EIPR1: variants seen among roughly 807,000 people sequenced by gnomAD.
EIPR1 encodes EARP complex and GARP complex interacting protein 1.
A neutral mutation model predicts 48.1 loss-of-function variants in EIPR1; 25 were observed. That is an observed-to-expected ratio of 0.52 (90% confidence interval 0.38 to 0.73). EIPR1 has a LOEUF of 0.73. EIPR1 is among the 30% of genes least tolerant of loss of function. The pLI is 0.00. For missense variants in EIPR1, 415 were observed against 506.2 expected (o/e 0.82, Z 1.73); for synonymous variants, 204 against 201.9 (o/e 1.01, Z -0.09).
intron 3 of EIPR1, among the ~76,000 whole-genome samples, chr2:3,259,292 C>G (rs997525674): frequency 2.0e-5 from 3 of 152,036 alleles, no homozygotes; most frequent in Non-Finnish European, 4.4e-5. Context: ...GACACTCCCC[C>G]CCACATCCCC....
At chr2:3,361,222 C>T (rs1000504039) in intron 1 of EIPR1, among the ~76,000 whole-genome samples, 1 of 152,128 alleles carries the variant, frequency 6.6e-6, no homozygotes, top group African/African-American at 2.4e-5. Flanking sequence ...TTCCACGTAG[C>T]TAAGGGGCTT....
intron 3 of EIPR1, among the ~76,000 whole-genome samples, chr2:3,278,273 T>C (rs1427977876): frequency 6.6e-6 from 1 of 152,120 alleles, no homozygotes; most frequent in Non-Finnish European, 1.5e-5. Flanking sequence ...GCTGCTGCCA[T>C]CCACACCACA....
chr2:3,224,354 G>T (rs1241095808), intron 4 of EIPR1, among the ~76,000 whole-genome samples: 4 of 152,140 alleles, frequency 2.6e-5, no homozygotes, highest in Non-Finnish European at 4.4e-5. Context: ...CCTACCATGC[G>T]CCCGGCTTTA....
intron 3 of EIPR1, among the ~76,000 whole-genome samples, chr2:3,304,828 G>A (rs1264082282): frequency 3.2e-4 from 41 of 128,690 alleles, no homozygotes; most frequent in East Asian, 7.1e-4. Context: ...GTCCAGTTCA[G>A]CCCTCCAGTC....
At chr2:3,290,821 A>C (rs1668342167) in intron 3 of EIPR1, among the ~76,000 whole-genome samples, 1 of 152,278 alleles carries the variant, frequency 6.6e-6, no homozygotes, top group African/African-American at 2.4e-5. Context: ...ACCAGCACTA[A>C]TTGCCATCAG....
At chr2:3,311,160 G>T (rs1669117186) in intron 3 of EIPR1, among the ~76,000 whole-genome samples, 1 of 152,096 alleles carries the variant, frequency 6.6e-6, no homozygotes, top group Non-Finnish European at 1.5e-5. Context: ...CCTAGTATGT[G>T]CACAGGTAGA....
rs139324519 is a variant in EIPR1, at chr2:3,211,247, C to T, written c.516+2902G>A. Reference sequence around the variant, plus strand: ...TGCTGGAACCAGCAGTCAGGTTCCACGCATGAAGTTCTCCACTTTAACACT... The same window carrying T: ...TGCTGGAACCAGCAGTCAGGTTCCATGCATGAAGTTCTCCACTTTAACACT... On this transcript the variant is annotated intron_variant, in intron 5 of 8. Coordinates refer to ENST00000382125, the MANE Select transcript of EIPR1 (RefSeq NM_003310.5). Among the ~76,000 whole-genome samples, 24 of 151,796 alleles carry T rather than the reference C, an allele frequency of 1.6e-4. 1 individual carries two copies. Among genetic ancestry groups the T allele is most frequent in the African/African-American group, 5.3e-4 (22 of 41,400 alleles).
At position 3,347,046 on chromosome 2, in the gene EIPR1, C is replaced by T. The variant is rs375617262; in HGVS notation, c.126+7504G>A. Among the ~76,000 whole-genome samples, 211 of 152,222 alleles carry T rather than the reference C, an allele frequency of 1.4e-3. 2 individuals are homozygous for T. The highest frequency in any genetic ancestry group is 4.8e-3 in the African/African-American group (198 of 41,546). On this transcript the variant is annotated intron_variant, in intron 2 of 8. Coordinates refer to ENST00000382125, the MANE Select transcript of EIPR1 (RefSeq NM_003310.5). ...TCTGGCCATTGAAGCATGTGGCACT[C>T]CCCCTCACTCTTTGCTCCCGCCCTC...
intron 3 of EIPR1, among the ~76,000 whole-genome samples, chr2:3,324,694 G>A (rs1171635524): frequency 6.6e-6 from 1 of 152,262 alleles, no homozygotes; most frequent in Non-Finnish European, 1.5e-5. Context: ...CCTCAACTCT[G>A]GTCAGTGGGA....
rs368224187 is a variant in EIPR1, at chr2:3,335,486, A to G, written c.259+2531T>C. Among the ~76,000 whole-genome samples the G allele has an allele frequency of 1.1e-3, 162 of 152,254 alleles. No individual in the cohort carries two copies. In the South Asian group the frequency reaches 0.032, roughly 30 times the overall value. On this transcript the variant is annotated intron_variant, in intron 3 of 8. Coordinates refer to ENST00000382125, the MANE Select transcript of EIPR1 (RefSeq NM_003310.5). ...GAGGGGGGTTTCCTGGTGGGGGGACAGGGCAAGGGTGGAGGAGAGGGCAAA... is the reference window on the plus strand; with the variant it reads ...GAGGGGGGTTTCCTGGTGGGGGGACGGGGCAAGGGTGGAGGAGAGGGCAAA...
chr2:3,211,899 C>T (rs1281377610), intron 5 of EIPR1, among the ~76,000 whole-genome samples: 3 of 152,262 alleles, frequency 2.0e-5, no homozygotes, highest in Admixed American at 1.3e-4. Context: ...CTACCCTCAT[C>T]GGGGTCTGTG....
At chr2:3,332,576 G>A (rs995072139) in intron 3 of EIPR1, among the ~76,000 whole-genome samples, 1 of 152,156 alleles carries the variant, frequency 6.6e-6, no homozygotes, top group Non-Finnish European at 1.5e-5. Flanking sequence ...CACAATCTAC[G>A]CCCACAGACC....
intron 4 of EIPR1, among the ~76,000 whole-genome samples, chr2:3,223,487 C>G (rs1665963223): frequency 1.3e-5 from 2 of 152,186 alleles, no homozygotes. Flanking sequence ...ATTCATCCCG[C>G]CCCCTCTGAG....
At chr2:3,240,334 ATC>A (rs1666564996) in intron 4 of EIPR1, among the ~76,000 whole-genome samples, 1 of 144,608 alleles carries the variant, frequency 6.9e-6, no homozygotes, top group Non-Finnish European at 1.5e-5. Context: ...AAGCCAGCAG[ATC>A]CTTCCTAAAG....
Position 3,377,794 on chromosome 2 carries a change from T to A in EIPR1, c.-105A>T. On this transcript the variant is annotated 5_prime_UTR_variant, in exon 1 of 9. Coordinates refer to ENST00000382125, the MANE Select transcript of EIPR1 (RefSeq NM_003310.5). ...GTGTTCCCAGCGCCCATTCATTCCCTCCCCGCAGCAAACGACTCCAAACTG... is the reference window on the plus strand; with the variant it reads ...GTGTTCCCAGCGCCCATTCATTCCCACCCCGCAGCAAACGACTCCAAACTG... The A allele has an allele frequency of 3.8e-4, 369 of 965,248 alleles. No homozygotes were observed. Among genetic ancestry groups the A allele is most frequent in the Non-Finnish European group, 5.3e-4 (344 of 647,218 alleles). The allele number at this position is 965,248 out of a possible 1,614,324, so 59.8% of individuals were successfully genotyped here.
intron 3 of EIPR1, chr2:3,301,327 G>T (rs1470305716): frequency 6.6e-6 from 1 of 152,014 alleles, no homozygotes; most frequent in South Asian, 2.1e-4. Context: ...CAGGTCCCGG[G>T]GACTCCAAGG....
chr2:3,229,446 A>G (rs556936686), intron 4 of EIPR1, among the ~76,000 whole-genome samples: 1 of 152,368 alleles, frequency 6.6e-6, no homozygotes, highest in African/African-American at 2.4e-5. Flanking sequence ...TCATTCTGGC[A>G]TGAGATTTTC....
intron 4 of EIPR1, among the ~76,000 whole-genome samples, chr2:3,228,433 A>C (rs1266175371): frequency 6.6e-6 from 1 of 152,232 alleles, no homozygotes; most frequent in Non-Finnish European, 1.5e-5. Context: ...GAAGTAATTA[A>C]GTTGCTTTTG....
intron 3 of EIPR1, among the ~76,000 whole-genome samples, chr2:3,308,934 G>A (rs918549787): frequency 6.6e-6 from 1 of 152,106 alleles, no homozygotes; most frequent in Non-Finnish European, 1.5e-5. Context: ...ATTTTCAAAA[G>A]GAGGAAAACT....
Sources: allele counts gnomAD v4.1 joint callset (sites outside exome capture counted in the v4.1 genomes callset), GRCh38; gene constraint gnomAD v4.1.1; transcripts MANE v1.5; gene names NCBI Gene and HGNC (gene_info 2026-07-23, HGNC 2026-07-21).